FILIP1: variants seen among roughly 807,000 people sequenced by gnomAD.
The protein encoded by FILIP1 is filamin A interacting protein 1, also known as filamin-A-interacting protein 1.
FILIP1 carries 61 observed loss-of-function variants against 102.1 expected under a neutral mutation model. The observed-to-expected ratio is 0.60, with a 90% confidence interval of 0.49 to 0.74. FILIP1 has a LOEUF of 0.74. Ranked by LOEUF, FILIP1 falls within the 30% of genes least tolerant of loss-of-function variation. FILIP1 has a pLI of 0.00. For synonymous variants in FILIP1, 491 were observed against 526.9 expected (o/e 0.93, Z 0.93); for missense variants, 1,314 against 1,441.2 (o/e 0.91, Z 1.43).
At chr6:75,371,253 C>T (rs773519157) in intron 2 of FILIP1, among the ~76,000 whole-genome samples, 2 of 152,178 alleles carry the variant, frequency 1.3e-5, no homozygotes, top group Non-Finnish European at 2.9e-5. Context: ...TTATTCTCCA[C>T]AACTATATGG....
intron 1 of FILIP1, among the ~76,000 whole-genome samples, chr6:75,452,951 A>C (rs550168772): frequency 6.6e-6 from 1 of 152,236 alleles, no homozygotes; most frequent in African/African-American, 2.4e-5. Flanking sequence ...AATAAAAGGA[A>C]TGATCAAGAA....
chr6:75,458,544 C>T (rs574964099), intron 1 of FILIP1, among the ~76,000 whole-genome samples: 12 of 152,224 alleles, frequency 7.9e-5, no homozygotes, highest in South Asian at 2.1e-4. Flanking sequence ...AAAGCAGATA[C>T]GCTTAAGCTA....
chr6:75,293,781 A>C (rs1290912454), exon 7 of FILIP1: 2 of 152,220 alleles, frequency 1.3e-5, no homozygotes, highest in Non-Finnish European at 2.9e-5. Context: ...CTAATCTAAT[A>C]TATCAAATAA....
intron 1 of FILIP1, among the ~76,000 whole-genome samples, chr6:75,449,298 T>A (rs1437409745): frequency 6.6e-6 from 1 of 151,982 alleles, no homozygotes; most frequent in African/African-American, 2.4e-5. Flanking sequence ...GGCATAAGAA[T>A]GATACAATGG....
intron 4 of FILIP1, among the ~76,000 whole-genome samples, chr6:75,334,222 G>C (rs4708181): frequency 6.6e-6 from 1 of 151,958 alleles, no homozygotes; most frequent in African/African-American, 2.4e-5. Context: ...ACTGCTGGTA[G>C]TAAGACAAGA....
At position 75,372,728 on chromosome 6, in the gene FILIP1, GAGAAAGAAAGAAAGAAAGAA is replaced by G. The variant is rs71002736; in HGVS notation, c.277-9831_277-9812del. Among the ~76,000 whole-genome samples, 84 of 61,418 alleles carry G rather than the reference GAGAAAGAAAGAAAGAAAGAA, an allele frequency of 1.4e-3. 4 individuals are homozygous for G. Among genetic ancestry groups the G allele is most frequent in the East Asian group, 6.0e-3 (12 of 1,984 alleles). 40.3% of individuals were successfully genotyped at this position (61,418 alleles called of 152,430 possible). A position where few individuals can be genotyped will look rare whatever the true frequency, so the allele number is the denominator to read the frequency against. On this transcript the variant is annotated intron_variant, in intron 2 of 5. Coordinates refer to ENST00000237172, the MANE Select transcript of FILIP1 (RefSeq NM_015687.5). Reference sequence around the variant, plus strand: ...AAGAAAGAAAGGAAAGAAAGAGAAAGAGAAAGAAAGAAAGAAAGAAAGAAAGAAAGAAAGAAAGAAAGAAA... The same window carrying G: ...AAGAAAGAAAGGAAAGAAAGAGAAAGAGAAAGAAAGAAAGAAAGAAAGAAA...
At chr6:75,298,345 T>G (rs1772742134) in intron 6 of FILIP1, among the ~76,000 whole-genome samples, 1 of 152,222 alleles carries the variant, frequency 6.6e-6, no homozygotes, top group Non-Finnish European at 1.5e-5. Context: ...TAAATTGTAC[T>G]TTAATAAAGG....
intron 1 of FILIP1, among the ~76,000 whole-genome samples, chr6:75,439,533 C>G (rs1778138584): frequency 6.6e-6 from 1 of 152,180 alleles, no homozygotes; most frequent in Admixed American, 6.5e-5. Context: ...GAAAAGTAAG[C>G]TATTCTTAAT....
At chr6:75,374,403 G>C (rs997996392) in intron 2 of FILIP1, among the ~76,000 whole-genome samples, 9 of 152,084 alleles carry the variant, frequency 5.9e-5, no homozygotes, top group African/African-American at 2.2e-4. Flanking sequence ...TTTTGAGACA[G>C]AGTCTTGCTC....
At chr6:75,475,176 T>C (rs1179345720) in intron 1 of FILIP1, among the ~76,000 whole-genome samples, 2 of 152,206 alleles carry the variant, frequency 1.3e-5, no homozygotes, top group Non-Finnish European at 1.5e-5. Flanking sequence ...GTGAGTATAA[T>C]TAAAATTTTT....
intron 2 of FILIP1, among the ~76,000 whole-genome samples, chr6:75,411,451 G>T (rs962516202): frequency 6.6e-6 from 1 of 152,142 alleles, no homozygotes; most frequent in African/African-American, 2.4e-5. Flanking sequence ...TTTGGCTTTT[G>T]TTGCCATTGC....
At chr6:75,444,298 T>C (rs987288335) in intron 1 of FILIP1, among the ~76,000 whole-genome samples, 3 of 152,242 alleles carry the variant, frequency 2.0e-5, no homozygotes, top group Non-Finnish European at 4.4e-5. Context: ...CACTTCTGGT[T>C]GAACCAGCTA....
intron 1 of FILIP1, among the ~76,000 whole-genome samples, chr6:75,471,985 A>G (rs1779345640): frequency 6.6e-6 from 1 of 152,096 alleles, no homozygotes; most frequent in African/African-American, 2.4e-5. Context: ...TTGATCTGTA[A>G]AGTTATAATT....
intron 3 of FILIP1, chr6:75,361,820 TC>T (rs1775181792): frequency 6.6e-6 from 1 of 152,192 alleles, no homozygotes; most frequent in Non-Finnish European, 1.5e-5. Flanking sequence ...GTTGACTGCA[TC>T]CTATCTTATA....
At chr6:75,370,566 CTTCTTTTT>C (rs1775482714) in intron 2 of FILIP1, among the ~76,000 whole-genome samples, 1 of 128,546 alleles carries the variant, frequency 7.8e-6, no homozygotes, top group Admixed American at 7.7e-5. Flanking sequence ...TTGGGAGTCT[CTTCTTTTT>C]TTTTTTTTTT....
At chr6:75,319,513 C>G in intron 4 of FILIP1, 1 of 580,524 alleles carries the variant, frequency 1.7e-6, no homozygotes, top group Non-Finnish European at 3.4e-6. Context: ...CAGACATGGT[C>G]TTCTACCTCT....
intron 2 of FILIP1, chr6:75,367,689 T>A (rs1775384179): frequency 6.6e-6 from 1 of 152,056 alleles, no homozygotes; most frequent in Non-Finnish European, 1.5e-5. Context: ...ATCAATAATA[T>A]TGTGGTATCT....
chr6:75,442,925 A>G (rs548563856), intron 1 of FILIP1, among the ~76,000 whole-genome samples: 1 of 152,244 alleles, frequency 6.6e-6, no homozygotes, highest in Non-Finnish European at 1.5e-5. Context: ...CAGAAGAGCA[A>G]TCTTTTTACT....
At chr6:75,327,158 C>T (rs1233382708) in intron 4 of FILIP1, among the ~76,000 whole-genome samples, 2 of 152,176 alleles carry the variant, frequency 1.3e-5, no homozygotes, top group Non-Finnish European at 2.9e-5. Flanking sequence ...CACCTACACC[C>T]GCTTCTTCCA....
Sources: allele counts gnomAD v4.1 joint callset (sites outside exome capture counted in the v4.1 genomes callset), GRCh38; gene constraint gnomAD v4.1.1; transcripts MANE v1.5; gene names NCBI Gene and HGNC (gene_info 2026-07-23, HGNC 2026-07-21).